MAN1C1: variants seen among roughly 807,000 people sequenced by gnomAD.
MAN1C1 encodes mannosyl-oligosaccharide 1,2-alpha-mannosidase IC.
A neutral mutation model predicts 71.5 loss-of-function variants in MAN1C1; 49 were observed. That is an observed-to-expected ratio of 0.69 (90% CI 0.54 to 0.87). The LOEUF (loss-of-function observed/expected upper bound fraction) is 0.87. Ranked by LOEUF, MAN1C1 falls within the 40% of genes least tolerant of loss-of-function variation. The pLI, the probability that MAN1C1 is intolerant of heterozygous loss-of-function variation, is 0.00. For synonymous variants in MAN1C1, 352 were observed against 343.7 expected, an observed-to-expected ratio of 1.02 and a Z score of -0.27; for missense variants, 743 against 835.0, an observed-to-expected ratio of 0.89 and a Z score of 1.36.
At chr1:25,773,224 AATGGAGGGAAGGATGG>A (rs544630240) in intron 8 of MAN1C1, among the ~76,000 whole-genome samples, 4 of 151,096 alleles carry the variant, frequency 2.6e-5, no homozygotes, top group Admixed American at 6.6e-5. Context: ...TGAAAGGATG[AATGGAGGGAAGGATGG>A]ATGGAGGGAA....
chr1:25,727,879 G>C (rs2124292822), intron 2 of MAN1C1, among the ~76,000 whole-genome samples: 1 of 152,378 alleles, frequency 6.6e-6, no homozygotes, highest in East Asian at 1.9e-4. Context: ...GGACACCAGA[G>C]AGCAGGAGAG....
intron 1 of MAN1C1, among the ~76,000 whole-genome samples, chr1:25,676,871 T>G (rs750122317): frequency 1.3e-5 from 2 of 152,172 alleles, no homozygotes; most frequent in African/African-American, 2.4e-5. Context: ...TCCTTCCAAG[T>G]TGTACCCCCA....
chr1:25,675,973 T>C (rs976150844), intron 1 of MAN1C1, among the ~76,000 whole-genome samples: 1 of 152,176 alleles, frequency 6.6e-6, no homozygotes, highest in African/African-American at 2.4e-5. Context: ...TTGAATCACC[T>C]GGGGCTCTTG....
At chr1:25,641,886 T>G (rs528867988) in intron 1 of MAN1C1, among the ~76,000 whole-genome samples, 1 of 152,300 alleles carries the variant, frequency 6.6e-6, no homozygotes, top group Admixed American at 6.5e-5. Context: ...TTATTAAAAC[T>G]TTAAGAGAAA....
At position 25,616,872 on chromosome 1, in the gene MAN1C1, C is replaced by T. The variant is rs1473636026; in HGVS notation, c.-926C>T. On this transcript the variant is annotated 5_prime_UTR_variant, in exon 1 of 12. Coordinates refer to ENST00000374332, the MANE Select transcript of MAN1C1 (RefSeq NM_020379.4). The surrounding 1 kb of genome is among the most constrained non-coding windows in gnomAD (Gnocchi z 5.6). ...TGTGCGCGCGTGTGGGGCGCAGGCT[C>T]GGCGGCAGCGGCCGGTCTGGAGCGG... Among the ~76,000 whole-genome samples the T allele has an allele frequency of 1.4e-5, 2 of 147,740 alleles. No homozygotes were observed. Among genetic ancestry groups the T allele is most frequent in the African/African-American group, 4.9e-5 (2 of 40,786 alleles).
intron 1 of MAN1C1, among the ~76,000 whole-genome samples, chr1:25,651,906 C>T (rs141137892): frequency 2.6e-5 from 4 of 152,322 alleles, no homozygotes; most frequent in East Asian, 3.9e-4. Context: ...CATGTTCCCA[C>T]GTGACTATAA....
intron 2 of MAN1C1, among the ~76,000 whole-genome samples, chr1:25,696,605 A>G (rs973551802): frequency 6.6e-6 from 1 of 152,060 alleles, no homozygotes; most frequent in Non-Finnish European, 1.5e-5. Flanking sequence ...CCTAGTCTGT[A>G]GCTCCCCAAG....
intron 11 of MAN1C1, among the ~76,000 whole-genome samples, chr1:25,783,117 A>T (rs1421207948): frequency 6.6e-6 from 1 of 152,132 alleles, no homozygotes; most frequent in African/African-American, 2.4e-5. Context: ...ATGCCATGGA[A>T]GTTGGCCATC....
intron 2 of MAN1C1, among the ~76,000 whole-genome samples, chr1:25,710,988 C>A (rs993853049): frequency 6.6e-6 from 1 of 152,170 alleles, no homozygotes; most frequent in Non-Finnish European, 1.5e-5. Flanking sequence ...TGCTGTGTAA[C>A]AAACCACCCT....
chr1:25,646,308 T>A (rs2045612628), intron 1 of MAN1C1: 1 of 152,326 alleles, frequency 6.6e-6, no homozygotes. Context: ...GCCTCCCTGC[T>A]GGGCCCAGGC....
chr1:25,678,080 A>T (rs1037723398), intron 1 of MAN1C1, among the ~76,000 whole-genome samples: 10 of 151,518 alleles, frequency 6.6e-5, no homozygotes, highest in African/African-American at 2.4e-4. Flanking sequence ...AAATCACTAA[A>T]CTTCTATCAG....
intron 1 of MAN1C1, among the ~76,000 whole-genome samples, chr1:25,637,064 A>C (rs1408465935): frequency 6.6e-6 from 1 of 152,146 alleles, no homozygotes; most frequent in Non-Finnish European, 1.5e-5. Context: ...CTGAGGCAGG[A>C]GAATCACCTG....
intron 1 of MAN1C1, chr1:25,659,252 C>T (rs2045812903): frequency 6.6e-6 from 1 of 152,280 alleles, no homozygotes; most frequent in Non-Finnish European, 1.5e-5. Flanking sequence ...TCTCCCCACA[C>T]TCCCTGGGGC....
chr1:25,737,436 T>G (rs1178724933), intron 2 of MAN1C1, among the ~76,000 whole-genome samples: 1 of 152,228 alleles, frequency 6.6e-6, no homozygotes, highest in Non-Finnish European at 1.5e-5. Flanking sequence ...AGCTGGCCAC[T>G]ACTGTGTGTG....
intron 2 of MAN1C1, among the ~76,000 whole-genome samples, chr1:25,691,562 AG>A (rs1384969507): frequency 1.3e-5 from 2 of 152,244 alleles, no homozygotes; most frequent in Non-Finnish European, 2.9e-5. Flanking sequence ...ATCAAGCGTC[AG>A]CTGCGATGAG....
At position 25,753,618 on chromosome 1, in the gene MAN1C1, A is replaced by C. The variant is rs773892389; in HGVS notation, c.929+40A>C. On this transcript the variant is annotated intron_variant, in intron 5 of 11. Coordinates refer to ENST00000374332, the MANE Select transcript of MAN1C1 (RefSeq NM_020379.4). This position sits in a 1 kb window ranked among gnomAD's most constrained non-coding sequence, Gnocchi z 4.9. Reference sequence around the variant, plus strand: ...CGTTCCCCACTGGGGCTTTACTGCGACCATGCCCACCATTTGTGTTTTGTC... The same window carrying C: ...CGTTCCCCACTGGGGCTTTACTGCGCCCATGCCCACCATTTGTGTTTTGTC... 1.6e-5 allele frequency: 25 copies of C among 1,559,908 alleles called. No homozygotes were observed. In the South Asian group the frequency reaches 2.7e-4, roughly 17 times the overall value.
At chr1:25,672,002 G>A (rs1034293967) in intron 1 of MAN1C1, among the ~76,000 whole-genome samples, 9 of 152,232 alleles carry the variant, frequency 5.9e-5, no homozygotes, top group African/African-American at 2.2e-4. Context: ...GTAAACTGGA[G>A]AAGCAGAGAA....
chr1:25,769,076 A>C lies in MAN1C1; in HGVS notation c.1142-2581A>C, dbSNP rs530270384. 1.5e-5 allele frequency among the ~76,000 whole-genome samples: 2 copies of C among 131,630 alleles called. No individual in the cohort carries two copies. Among genetic ancestry groups the C allele is most frequent in the African/African-American group, 5.9e-5 (2 of 33,724 alleles). 86.4% of individuals were successfully genotyped at this position (131,630 alleles called of 152,430 possible). A position where few individuals can be genotyped will look rare whatever the true frequency, so the allele number is the denominator to read the frequency against. ...CACACTACACACCACCCACACTCCC[A>C]CACACACACCTATCACCCACACTCC... On this transcript the variant is annotated intron_variant, in intron 7 of 11. Coordinates refer to ENST00000374332, the MANE Select transcript of MAN1C1 (RefSeq NM_020379.4). The surrounding 1 kb of genome is among the most constrained non-coding windows in gnomAD (Gnocchi z 4.8).
At position 25,618,275 on chromosome 1, in the gene MAN1C1, A is replaced by G. The variant is rs774913985; in HGVS notation, c.478A>G (p.Arg160Gly). Residue 160 changes from arginine (R) to glycine (G), a missense_variant, in exon 1 of 12, where the codon AGG becomes GGG. By Grantham distance (125) the Arg-to-Gly change is moderately radical. Coordinates refer to ENST00000374332, the MANE Select transcript of MAN1C1 (RefSeq NM_020379.4). Reference protein sequence around the residue: ...SRLRHPVLGTRADESQEPQSQ... With the variant: ...SRLRHPVLGTGADESQEPQSQ... ...TCTCCGCCACCCGGTCCTGGGAACG[A>G]GGGCCGATGAGAGTCAGGAGCCCCA... 1.2e-6 allele frequency: 2 copies of G among 1,604,150 alleles called. No homozygotes were observed. The highest frequency in any genetic ancestry group is 3.4e-5 in the Admixed American group (2 of 58,120).
Sources: gnomAD v4.1 joint callset for allele counts (sites outside exome capture counted in the v4.1 genomes callset) on GRCh38, gnomAD v4.1.1 for gene constraint, Gnocchi (gnomAD v3.1) non-coding constraint, MANE v1.5 for transcripts, NCBI Gene and HGNC (gene_info 2026-07-23, HGNC 2026-07-21) for gene names.